Variants in ZNF431 observed in about 807,000 individuals in gnomAD.
ZNF431 encodes zinc finger protein 431.
In ZNF431, 34 loss-of-function variants were observed where a neutral mutation model predicts 57.0. The observed-to-expected ratio is 0.60, with a 90% CI of 0.45 to 0.79. ZNF431 has a LOEUF of 0.79. Among genes scored for constraint, ZNF431 ranks in the 30% least tolerant of loss-of-function variants. The pLI is 0.00. For missense variants in ZNF431, 607 were observed against 667.1 expected (o/e 0.91, Z 0.99); for synonymous variants, 207 against 220.3 (o/e 0.94, Z 0.54).
intron 4 of ZNF431, among the ~76,000 whole-genome samples, chr19:21,177,341 A>G (rs527364350): frequency 3.3e-5 from 5 of 152,314 alleles, no homozygotes; most frequent in African/African-American, 9.6e-5. Context: ...GGTTGTAGAT[A>G]TGCAATCTTA....
In ZNF431 at chr19:21,180,393, A is replaced by G. The variant is rs183894253; in HGVS notation, c.320-2230A>G. On this transcript the variant is annotated intron_variant, in intron 4 of 4. Transcript: ENST00000311048. Reference sequence around the variant, plus strand: ...CCTGGTGGTGATGTGCTCCCTCAGCATTTGCTTGTCTGAAAAGAATTTTAT... The same window carrying G: ...CCTGGTGGTGATGTGCTCCCTCAGCGTTTGCTTGTCTGAAAAGAATTTTAT... 2.3e-3 allele frequency among the ~76,000 whole-genome samples: 354 copies of G among 152,188 alleles called. 3 individuals carry two copies. The highest frequency in any genetic ancestry group is 8.2e-3 in the African/African-American group (339 of 41,508).
rs531558126 is a variant in ZNF431, at chr19:21,156,293, C to T, written c.97-10042C>T. On this transcript the variant is annotated intron_variant, in intron 2 of 4. Coordinates refer to ENST00000311048, the MANE Select transcript of ZNF431 (RefSeq NM_133473.4). ...ACACAGAAATAAATCAGAGTCCAGCCCCACCTGGGCCACCATCTGTAGAAC... is the reference window on the plus strand; with the variant it reads ...ACACAGAAATAAATCAGAGTCCAGCTCCACCTGGGCCACCATCTGTAGAAC... 8.5e-4 allele frequency among the ~76,000 whole-genome samples: 129 copies of T among 152,324 alleles called. 1 individual carries two copies. The highest frequency in any genetic ancestry group is 2.9e-3 in the African/African-American group (120 of 41,564).
intron 2 of ZNF431, among the ~76,000 whole-genome samples, chr19:21,165,092 C>CA (rs58552017): frequency 0.011 from 1,514 of 132,908 alleles, 26 homozygotes; most frequent in South Asian, 0.052. Flanking sequence ...CTGGGCAACT[C>CA]AAAAAAAAAA....
chr19:21,155,991 C>A (rs1164051440), intron 2 of ZNF431, among the ~76,000 whole-genome samples: 1 of 152,084 alleles, frequency 6.6e-6, no homozygotes, highest in African/African-American at 2.4e-5. Flanking sequence ...TGACAGACCC[C>A]CTTTTCACAA....
intron 1 of ZNF431, among the ~76,000 whole-genome samples, chr19:21,142,793 T>G (rs1969977788): frequency 6.6e-6 from 1 of 152,096 alleles, no homozygotes; most frequent in African/African-American, 2.4e-5. Flanking sequence ...AAGGTGAAAA[T>G]TTCCTGATTA....
At chr19:21,152,910 C>T (rs1019048887) in intron 2 of ZNF431, among the ~76,000 whole-genome samples, 9 of 152,056 alleles carry the variant, frequency 5.9e-5, no homozygotes, top group African/African-American at 2.2e-4. Context: ...AGATCTCGCT[C>T]AAGAAAGAAT....
chr19:21,170,562 T>C (rs776804555), intron 4 of ZNF431, among the ~76,000 whole-genome samples: 15 of 152,162 alleles, frequency 9.9e-5, no homozygotes, highest in Non-Finnish European at 2.1e-4. Context: ...TAAATTTAAG[T>C]TCGCTGCAGG....
At chr19:21,145,971 CTG>C (rs1371403754) in intron 2 of ZNF431, among the ~76,000 whole-genome samples, 1 of 152,086 alleles carries the variant, frequency 6.6e-6, no homozygotes, top group Non-Finnish European at 1.5e-5. Flanking sequence ...TTGAATCAGA[CTG>C]AGGATAGTTC....
At position 21,171,392 on chromosome 19, in the gene ZNF431, A is replaced by C. The variant is rs1011978026; in HGVS notation, c.319+3726A>C. On this transcript the variant is annotated intron_variant, in intron 4 of 4. Transcript: ENST00000311048. ...TTTCTTATTAGCGTTTTTTCAGTAT[A>C]GGTTTCTTAACATCAGCTTGTTGTG... Among the ~76,000 whole-genome samples, 4 of 152,126 alleles carry C rather than the reference A, an allele frequency of 2.6e-5. No individual in the cohort carries two copies. In the East Asian group the frequency reaches 7.7e-4, roughly 29 times the overall value.
intron 2 of ZNF431, among the ~76,000 whole-genome samples, chr19:21,148,000 A>AT (rs140587802): frequency 0.1 from 14,913 of 145,576 alleles, 839 homozygotes; most frequent in Non-Finnish European, 0.11. Flanking sequence ...ATTTTTTTTA[A>AT]TTTTTTTTTT....
chr19:21,143,712 G>T lies in ZNF431; in HGVS notation c.96+69G>T, dbSNP rs1319480415. 4 of 1,171,480 alleles carry T rather than the reference G, an allele frequency of 3.4e-6. No individual in the cohort carries two copies. The African/African-American group carries it at 4.6e-5, about 13-fold the overall frequency. The allele number at this position is 1,171,480 out of a possible 1,614,324, so 72.6% of individuals were successfully genotyped here. A position where few individuals can be genotyped will look rare whatever the true frequency, so the allele number is the denominator to read the frequency against. ...TTCATTTCTTGGGGACACATTGCTG[G>T]TCAGCCAGTCCGATGCTGGCACTGA... On this transcript the variant is annotated intron_variant, in intron 2 of 4. Transcript: ENST00000311048.
At chr19:21,155,982 G>A (rs1970405209) in intron 2 of ZNF431, among the ~76,000 whole-genome samples, 1 of 152,124 alleles carries the variant, frequency 6.6e-6, no homozygotes, top group Non-Finnish European at 1.5e-5. Flanking sequence ...GAGCTCTGAT[G>A]ACAGACCCCC....
intron 2 of ZNF431, among the ~76,000 whole-genome samples, chr19:21,165,726 T>G (rs1359434246): frequency 2.6e-5 from 4 of 152,238 alleles, no homozygotes; most frequent in Non-Finnish European, 5.9e-5. Context: ...TTTTGTTTTT[T>G]TTTGCATGTG....
chr19:21,149,712 G>A (rs935793165), intron 2 of ZNF431: 1 of 605,654 alleles, frequency 1.7e-6, no homozygotes, highest in Non-Finnish European at 3.1e-6. Flanking sequence ...CTGAGCCACA[G>A]ACTTGAGACC....
intron 1 of ZNF431, 45 bp from the exon 2 acceptor site, chr19:21,143,506 A>G (rs1282916421): frequency 4.7e-6 from 7 of 1,481,736 alleles, no homozygotes; most frequent in African/African-American, 1.4e-5. Context: ...TATGTCAGCT[A>G]AAGTGCCTAG....
intron 2 of ZNF431, among the ~76,000 whole-genome samples, chr19:21,159,421 G>A (rs1970512016): frequency 6.6e-6 from 1 of 152,098 alleles, no homozygotes; most frequent in Non-Finnish European, 1.5e-5. Flanking sequence ...TTGCCAGGCT[G>A]GAGTGCAGTG....
Position 21,182,962 on chromosome 19 carries a change from G to C in ZNF431, c.659G>C (p.Ser220Thr). ...GKSFCMLLHL[S>T]QHKRIHIREN... is the part of the protein sequence containing the mutation. ...TCATTTTGCATGCTTTTACACCTAA[G>C]TCAACATAAAAGAATTCATATTAGA... Residue 220 changes from serine to threonine, a missense_variant, in exon 5 of 5, where the codon AGT becomes ACT. Transcript: ENST00000311048. The C allele has an allele frequency of 6.2e-7, 1 of 1,614,048 alleles. No homozygotes were observed. The highest frequency in any genetic ancestry group is 1.1e-5 in the South Asian group (1 of 91,066).
intron 4 of ZNF431, among the ~76,000 whole-genome samples, chr19:21,176,928 C>A (rs569067496): frequency 6.6e-6 from 1 of 152,048 alleles, no homozygotes; most frequent in African/African-American, 2.4e-5. Context: ...AACTCCTGAC[C>A]CCATCCTCAT....
chr19:21,188,015 G>A lies in ZNF431; in HGVS notation c.*3981G>A, dbSNP rs957072952. On this transcript the variant is annotated 3_prime_UTR_variant, in exon 5 of 5. Transcript: ENST00000311048. ...GGCTCACGCCTGTAATCCCAGCACT[G>A]AGATAGGCCAAGGAGGGTGGATCAC... is the stretch of plus-strand genomic sequence containing the variant. 1 of 152,036 alleles carries A rather than the reference G, an allele frequency of 6.6e-6. No individual in the cohort carries two copies. Among genetic ancestry groups the A allele is most frequent in the Non-Finnish European group, 1.5e-5 (1 of 68,020 alleles). 9.4% of individuals were successfully genotyped at this position (152,036 alleles called of 1,614,324 possible).
Sources: allele counts gnomAD v4.1 joint callset (sites outside exome capture counted in the v4.1 genomes callset), GRCh38; gene constraint gnomAD v4.1.1; transcripts MANE v1.5; gene names NCBI Gene and HGNC (gene_info 2026-07-23, HGNC 2026-07-21).